DYNC2I1: variants seen among roughly 807,000 people sequenced by gnomAD.
The protein encoded by DYNC2I1 is cytoplasmic dynein 2 intermediate chain 1.
In DYNC2I1, 89 loss-of-function variants were observed where a neutral mutation model predicts 133.4. That is an observed-to-expected ratio of 0.67 (90% CI 0.56 to 0.80). The LOEUF is 0.80. Ranked by LOEUF, DYNC2I1 falls within the 30% of genes least tolerant of loss-of-function variation. The pLI, the probability that DYNC2I1 is intolerant of heterozygous loss-of-function variation, is 0.00. For missense variants in DYNC2I1, 1,291 were observed against 1,314.5 expected (o/e 0.98, Z 0.28); for synonymous variants, 504 against 484.3 (o/e 1.04, Z -0.54).
the DYNC2I1 span, among the ~76,000 whole-genome samples, chr7:158,846,230 G>A: frequency 3.0e-4 from 46 of 152,302 alleles, no homozygotes; most frequent in African/African-American, 1.1e-3. Context: ...CTGCACTCCA[G>A]CCTGGGCAGC....
intron 14 of DYNC2I1, among the ~76,000 whole-genome samples, chr7:158,914,616 G>A (rs75293985): frequency 0.038 from 5,788 of 152,246 alleles, 156 homozygotes; most frequent in African/African-American, 0.064. Context: ...TAGCAGACAC[G>A]AAGTTGGCAA....
Position 158,922,403 on chromosome 7 carries a change from T to A in DYNC2I1, c.1948T>A (p.Ser650Thr). ...QNRKVSSLHTSRVQRQMVVSV... is the reference protein window; with the variant it reads ...QNRKVSSLHTTRVQRQMVVSV... ...TCGAAAAGTATCCTCCTTGCACACC[T>A]CCCGAGTTCAGAGGCAGATGGTGGT... is the stretch of plus-strand genomic sequence containing the variant. Residue 650 changes from serine (S) to threonine (T), a missense_variant, in exon 16 of 25, where the codon TCC becomes ACC. By Grantham distance (58) the Ser-to-Thr change is moderately conservative (BLOSUM62 1). Transcript: ENST00000407559. The A allele has an allele frequency of 6.2e-7, 1 of 1,613,978 alleles. No homozygotes were observed.
intron 1 of DYNC2I1, among the ~76,000 whole-genome samples, chr7:158,858,039 C>A (rs1215375072): frequency 6.6e-6 from 1 of 152,112 alleles, no homozygotes. Flanking sequence ...GATCCGCCCG[C>A]CTTGGCCTCC....
At chr7:158,886,906 A>G (rs1844661921) in intron 6 of DYNC2I1, 115 bp from the exon 7 acceptor site, 2 of 957,198 alleles carry the variant, frequency 2.1e-6, no homozygotes, top group South Asian at 1.5e-5. Context: ...TGGTTGTAGT[A>G]GTTCTTAATC....
At chr7:158,845,433 C>T in the DYNC2I1 span, among the ~76,000 whole-genome samples, 1 of 152,224 alleles carries the variant, frequency 6.6e-6, no homozygotes, top group South Asian at 2.1e-4. Context: ...TTTTTGTTTG[C>T]ATTTATTGAT....
intron 15 of DYNC2I1, among the ~76,000 whole-genome samples, chr7:158,919,134 G>A (rs1480772932): frequency 6.6e-6 from 1 of 152,092 alleles, no homozygotes; most frequent in Non-Finnish European, 1.5e-5. Flanking sequence ...TGAATGAATG[G>A]GAACTGAGAT....
chr7:158,868,168 G>A (rs1842570648), intron 1 of DYNC2I1, among the ~76,000 whole-genome samples: 1 of 152,212 alleles, frequency 6.6e-6, no homozygotes, highest in Admixed American at 6.5e-5. Context: ...GACTTGTAAA[G>A]GAAGGGTTGT....
intron 1 of DYNC2I1, among the ~76,000 whole-genome samples, chr7:158,857,833 C>T (rs1281224911): frequency 6.7e-6 from 1 of 149,818 alleles, no homozygotes; most frequent in Non-Finnish European, 1.5e-5. Flanking sequence ...CCTTGTCGCC[C>T]AGGCTGGAGT....
At chr7:158,940,350 T>A (rs1365319162) in intron 23 of DYNC2I1, among the ~76,000 whole-genome samples, 2 of 152,138 alleles carry the variant, frequency 1.3e-5, no homozygotes, top group Non-Finnish European at 2.9e-5. Context: ...CTGCCGCTGA[T>A]CTGACAGGAG....
intron 1 of DYNC2I1, among the ~76,000 whole-genome samples, chr7:158,863,893 C>CGT (rs1385569063): frequency 1.9e-4 from 10 of 52,616 alleles, no homozygotes; most frequent in African/African-American, 7.9e-4. Flanking sequence ...TCCTTAGCTC[C>CGT]GTGTGTGGGG....
At chr7:158,941,680 G>A (rs947894924) in intron 23 of DYNC2I1, among the ~76,000 whole-genome samples, 2 of 152,146 alleles carry the variant, frequency 1.3e-5, no homozygotes, top group East Asian at 3.9e-4. Flanking sequence ...CCAGGAGTTC[G>A]AGACCAGCTT....
chr7:158,942,435 C>T (rs1851468647), intron 24 of DYNC2I1, among the ~76,000 whole-genome samples: 2 of 152,238 alleles, frequency 1.3e-5, no homozygotes, highest in South Asian at 4.1e-4. Flanking sequence ...CACACCACCA[C>T]CACCGAGTCG....
upstream of DYNC2I1, among the ~76,000 whole-genome samples, chr7:158,854,507 G>A (rs911950397): frequency 6.7e-6 from 1 of 150,066 alleles, no homozygotes; most frequent in Non-Finnish European, 1.5e-5. Flanking sequence ...GTCGGGGGGG[G>A]CTGGGGGATA....
intron 5 of DYNC2I1, among the ~76,000 whole-genome samples, chr7:158,883,385 T>A (rs113649569): frequency 0.042 from 6,211 of 148,682 alleles, 341 homozygotes; most frequent in African/African-American, 0.14. Context: ...TATTATTATT[T>A]TTTTTTTTTT....
Position 158,887,075 on chromosome 7 carries a change from GGT to G in DYNC2I1, c.990+1_990+2del. ...GAAAAGATAAAGATTCAAGACGGAA[GGT>G]AAGGCAGTCTCCACTGAGAATACAT... On this transcript the variant is annotated splice_donor_variant, in intron 7 of 24. Coordinates refer to ENST00000407559, the MANE Select transcript of DYNC2I1 (RefSeq NM_018051.5). LOFTEE classifies it high-confidence loss of function. 6.2e-7 allele frequency: 1 copy of G among 1,613,476 alleles called. No homozygotes were observed. The highest frequency in any genetic ancestry group is 8.5e-7 in the Non-Finnish European group (1 of 1,179,468).
At chr7:158,887,274 G>A (rs1019601100) in intron 7 of DYNC2I1, among the ~76,000 whole-genome samples, 199 bp downstream of exon 7, 111 of 152,128 alleles carry the variant, frequency 7.3e-4, no homozygotes, top group Non-Finnish European at 4.4e-4. Context: ...GTAAAAAGGT[G>A]GACAAAGAGA....
At chr7:158,885,920 T>C (rs1844555043) in intron 6 of DYNC2I1, among the ~76,000 whole-genome samples, 1 of 151,956 alleles carries the variant, frequency 6.6e-6, no homozygotes, top group South Asian at 2.1e-4. Context: ...AGAATCAGTT[T>C]GATATTTTGC....
intron 10 of DYNC2I1, chr7:158,904,956 A>C (rs530058520): frequency 3.6e-6 from 1 of 277,070 alleles, no homozygotes; most frequent in South Asian, 3.4e-5. Context: ...AGTGCAAACC[A>C]ATATCCAAAA....
At chr7:158,930,094 T>A (rs911216154) in intron 20 of DYNC2I1, among the ~76,000 whole-genome samples, 1 of 152,250 alleles carries the variant, frequency 6.6e-6, no homozygotes, top group South Asian at 2.1e-4. Flanking sequence ...CGGTGGACAT[T>A]CACAGGACAG....
Sources: gnomAD v4.1 joint callset for allele counts (sites outside exome capture counted in the v4.1 genomes callset) on GRCh38, gnomAD v4.1.1 for gene constraint, MANE v1.5 for transcripts, NCBI Gene and HGNC (gene_info 2026-07-23, HGNC 2026-07-21) for gene names.